The following FUT8 variants were observed in gnomAD, a reference collection of about 807,000 sequenced individuals.
The protein encoded by FUT8 is alpha-(1,6)-fucosyltransferase.
FUT8 carries 29 observed loss-of-function variants against 71.3 expected under a neutral mutation model. That is an observed-to-expected ratio of 0.41 (90% CI 0.30 to 0.55). The LOEUF (loss-of-function observed/expected upper bound fraction) is 0.55, where lower values mean the gene tolerates loss of function less well. Among genes scored for constraint, FUT8 ranks in the 20% least tolerant of loss-of-function variants. The probability of loss-of-function intolerance (pLI) is 0.34; values close to 1 mark genes in which losing one functional copy is unlikely to be tolerated. For synonymous variants in FUT8, 254 were observed against 239.3 expected, an observed-to-expected ratio of 1.06 and a Z score of -0.57; for missense variants, 544 against 702.1, an observed-to-expected ratio of 0.77 and a Z score of 2.55.
chr14:65,387,329 C>G, the FUT8 span, among the ~76,000 whole-genome samples: 10 of 152,260 alleles, frequency 6.6e-5, no homozygotes, highest in Middle Eastern at 3.4e-3. Context: ...CTCCACATAT[C>G]GCCAAGTTTT....
chr14:65,742,672 C>G lies in FUT8; in HGVS notation c.*262C>G. The G allele has an allele frequency of 5.3e-6, 2 of 374,522 alleles. No homozygotes were observed. Among genetic ancestry groups the G allele is most frequent in the Non-Finnish European group, 9.7e-6 (2 of 205,260 alleles). 23.2% of individuals were successfully genotyped at this position (374,522 alleles called of 1,614,324 possible). ...TAACATGCAAACAGGTTGTTTTCTA[C>G]TTTGCCCCTTTCAGTATGTCCCCAT... On this transcript the variant is annotated 3_prime_UTR_variant, in exon 11 of 11. Transcript: ENST00000673929.
At chr14:65,431,065 G>A (rs1365736664) in intron 1 of FUT8, among the ~76,000 whole-genome samples, 1 of 147,040 alleles carries the variant, frequency 6.8e-6, no homozygotes, top group Non-Finnish European at 1.5e-5. Context: ...GCGCGATCTC[G>A]GCTCACTGCA....
At chr14:65,567,524 T>C (rs1330062437) in intron 3 of FUT8, among the ~76,000 whole-genome samples, 1 of 151,966 alleles carries the variant, frequency 6.6e-6, no homozygotes, top group Non-Finnish European at 1.5e-5. Flanking sequence ...GTCTTCTCTA[T>C]AACTCCTAGT....
Position 65,669,764 on chromosome 14 carries a change from T to G in FUT8, c.835+284T>G, listed in dbSNP as rs1226602103. 6.6e-6 allele frequency among the ~76,000 whole-genome samples: 1 copy of G among 152,234 alleles called. No individual in the cohort carries two copies. The highest frequency in any genetic ancestry group is 1.5e-5 in the Non-Finnish European group (1 of 68,036). ...TTAATAATAATGATATGACTTTCACTCTATAAGATGATTTCACATTATTGA... is the reference window on the plus strand; with the variant it reads ...TTAATAATAATGATATGACTTTCACGCTATAAGATGATTTCACATTATTGA... On this transcript the variant is annotated intron_variant, in intron 7 of 10. Transcript: ENST00000673929. The surrounding 1 kb of genome is among the most constrained non-coding windows in gnomAD (Gnocchi z 4.5).
chr14:65,439,954 G>GTGTACGTATATATATATATA, intron 1 of FUT8, among the ~76,000 whole-genome samples: 920 of 74,932 alleles, frequency 0.012, 134 homozygotes, highest in East Asian at 0.021. Flanking sequence ...GTGTGTGTGT[G>GTGTACGTATATATATATATA]TATATATATA....
intron 1 of FUT8, among the ~76,000 whole-genome samples, chr14:65,418,098 G>A (rs2065243777): frequency 6.6e-6 from 1 of 152,178 alleles, no homozygotes; most frequent in African/African-American, 2.4e-5. Context: ...ATGTAGCAAT[G>A]AGGCACATGA....
chr14:65,482,702 G>A (rs1958563414), intron 2 of FUT8, among the ~76,000 whole-genome samples: 1 of 152,048 alleles, frequency 6.6e-6, no homozygotes, highest in Non-Finnish European at 1.5e-5. Flanking sequence ...CTATTGTGCT[G>A]GTTACCAATC....
At chr14:65,672,477 A>G (rs1293665135) in intron 7 of FUT8, among the ~76,000 whole-genome samples, 2 of 152,044 alleles carry the variant, frequency 1.3e-5, no homozygotes, top group African/African-American at 4.8e-5. Context: ...TTTTGTTTTT[A>G]GAGACAGAGT....
At chr14:65,530,174 T>C (rs945138468) in intron 2 of FUT8, among the ~76,000 whole-genome samples, 1 of 152,226 alleles carries the variant, frequency 6.6e-6, no homozygotes, top group African/African-American at 2.4e-5. Context: ...TTCTGTATTA[T>C]GACCTCTTGT....
chr14:65,678,769 T>C (rs1892888886), intron 7 of FUT8, among the ~76,000 whole-genome samples: 1 of 152,172 alleles, frequency 6.6e-6, no homozygotes, highest in Non-Finnish European at 1.5e-5. Context: ...AGTCTTTTTT[T>C]CTAAACACTG....
chr14:65,595,469 C>G (rs1887914296), intron 3 of FUT8, among the ~76,000 whole-genome samples: 2 of 152,070 alleles, frequency 1.3e-5, no homozygotes, highest in African/African-American at 4.8e-5. Flanking sequence ...ATGTTATATA[C>G]CTCAGTCTGG....
At chr14:65,658,163 C>T (rs898815489) in intron 6 of FUT8, among the ~76,000 whole-genome samples, 14 of 152,010 alleles carry the variant, frequency 9.2e-5, no homozygotes, top group South Asian at 4.2e-4. Flanking sequence ...CTTGTACAGA[C>T]GGCTATGCAA....
upstream of FUT8, chr14:65,412,599 C>T (rs906170510): frequency 6.3e-6 from 2 of 315,810 alleles, no homozygotes; most frequent in Non-Finnish European, 1.2e-5. Flanking sequence ...TGCTGCTACG[C>T]TCTCCACCGG....
chr14:65,364,511 A>T, the FUT8 span, among the ~76,000 whole-genome samples: 1 of 152,032 alleles, frequency 6.6e-6, no homozygotes, highest in Non-Finnish European at 1.5e-5. Context: ...CCTCATTTTG[A>T]AAAGTAAAGA....
chr14:65,482,330 C>CT lies in FUT8; in HGVS notation c.-228+26622dup, dbSNP rs147097948. ...TTGTTCCACTGACCTCTTTGTCTTT[C>CT]TTTTTTTTTTGTCTCTCATACCAGC... On this transcript the variant is annotated intron_variant, in intron 2 of 10. Transcript: ENST00000673929. Among the ~76,000 whole-genome samples the CT allele has an allele frequency of 6.9e-3, 1,020 of 146,918 alleles. 17 individuals are homozygous for CT. The highest frequency in any genetic ancestry group is 0.023 in the African/African-American group (927 of 40,108).
intron 7 of FUT8, among the ~76,000 whole-genome samples, chr14:65,689,463 TAA>T (rs1212022134): frequency 1.3e-5 from 2 of 152,232 alleles, no homozygotes; most frequent in East Asian, 3.8e-4. Flanking sequence ...GAGTTGGATA[TAA>T]GTTCTTTCAT....
At chr14:65,672,093 C>G (rs934647036) in intron 7 of FUT8, among the ~76,000 whole-genome samples, 1 of 152,132 alleles carries the variant, frequency 6.6e-6, no homozygotes, top group Non-Finnish European at 1.5e-5. Context: ...TATATCATAC[C>G]TTATTATGGT....
At chr14:65,729,034 G>GTTTTTT (rs557668131) in intron 9 of FUT8, among the ~76,000 whole-genome samples, 35 of 103,660 alleles carry the variant, frequency 3.4e-4, no homozygotes, top group African/African-American at 6.2e-4. Context: ...TTGTAAACAT[G>GTTTTTT]TTTTTTTTTT....
chr14:65,644,751 T>A (rs1891042776), intron 6 of FUT8, among the ~76,000 whole-genome samples: 1 of 152,228 alleles, frequency 6.6e-6, no homozygotes, highest in Admixed American at 6.5e-5. Context: ...AACATTTTCA[T>A]CAACTGATTA....
Sources: gnomAD v4.1 joint callset for allele counts (sites outside exome capture counted in the v4.1 genomes callset) on GRCh38, gnomAD v4.1.1 for gene constraint, Gnocchi (gnomAD v3.1) non-coding constraint, MANE v1.5 for transcripts, NCBI Gene and HGNC (gene_info 2026-07-23, HGNC 2026-07-21) for gene names.